NUMB: variants seen among roughly 807,000 people sequenced by gnomAD.
NUMB encodes protein numb homolog.
A neutral mutation model predicts 59.7 loss-of-function variants in NUMB; 29 were observed. The ratio of observed to expected loss-of-function variants is 0.49; its 90% confidence interval spans 0.36 to 0.66. The LOEUF (loss-of-function observed/expected upper bound fraction) is 0.66. Among genes scored for constraint, NUMB ranks in the 30% least tolerant of loss-of-function variants. The probability of loss-of-function intolerance (pLI) is 0.00; values close to 1 mark genes in which losing one functional copy is unlikely to be tolerated. For missense variants in NUMB, 723 were observed against 822.0 expected (o/e 0.88, Z 1.47); for synonymous variants, 288 against 288.2 (o/e 1.00, Z 0.01).
intron 2 of NUMB, among the ~76,000 whole-genome samples, chr14:73,393,003 CAAG>C (rs1180046582): frequency 1.3e-5 from 2 of 151,910 alleles, no homozygotes; most frequent in East Asian, 1.9e-4. Flanking sequence ...TCAGATTCTG[CAAG>C]AAGGATAAGA....
rs1888438627 is a variant in NUMB at position 73,279,308 on chromosome 14, T to C, written c.1213A>G (p.Asn405Asp). 1.2e-6 allele frequency: 2 copies of C among 1,614,078 alleles called. No homozygotes were observed. The highest frequency in any genetic ancestry group is 2.2e-5 in the South Asian group (2 of 91,096). Reference sequence around the variant, plus strand: ...GAACATGTGGCTGCAATTTCCTTGTTAGCAGCATCAGGGGCATGGGCCCAA... The same window carrying C: ...GAACATGTGGCTGCAATTTCCTTGTCAGCAGCATCAGGGGCATGGGCCCAA... ...NPWAHAPDAA[N>D]KEIAATCSGT... is the part of the protein sequence containing the mutation. The change falls in exon 12 of 13, where the codon AAC (asparagine) becomes GAC (aspartate). Residue 405 changes from asparagine (N) to aspartate (D), a missense_variant. Physicochemically the swap from Asn to Asp is conservative, Grantham distance 23. Coordinates refer to ENST00000555238, the MANE Select transcript of NUMB (RefSeq NM_001005743.2).
At chr14:73,356,328 G>A (rs1214618356) in intron 3 of NUMB, among the ~76,000 whole-genome samples, 1 of 152,168 alleles carries the variant, frequency 6.6e-6, no homozygotes, top group East Asian at 1.9e-4. Context: ...ATGTCATGAA[G>A]AATAAAATAA....
chr14:73,399,164 T>C (rs1324661572), intron 2 of NUMB, among the ~76,000 whole-genome samples: 4 of 152,144 alleles, frequency 2.6e-5, no homozygotes, highest in Non-Finnish European at 5.9e-5. Flanking sequence ...TAAAAACACA[T>C]ACACACAAAA....
chr14:73,420,594 C>T (rs955096495), intron 1 of NUMB, among the ~76,000 whole-genome samples: 2 of 152,058 alleles, frequency 1.3e-5, no homozygotes, highest in Non-Finnish European at 2.9e-5. Context: ...CCAACGCACG[C>T]GGATTGCTTG....
chr14:73,290,648 A>G (rs1889328950), intron 8 of NUMB, among the ~76,000 whole-genome samples: 1 of 152,230 alleles, frequency 6.6e-6, no homozygotes, highest in South Asian at 2.1e-4. Context: ...ACGAATGGCT[A>G]TACTGCCTAT....
chr14:73,325,068 A>G (rs1891591921), intron 4 of NUMB, among the ~76,000 whole-genome samples: 1 of 152,230 alleles, frequency 6.6e-6, no homozygotes, highest in South Asian at 2.1e-4. Context: ...ATTGCTTAAC[A>G]ATGTATAGCC....
chr14:73,455,235 G>C (rs936556810), intron 1 of NUMB, among the ~76,000 whole-genome samples: 2 of 152,132 alleles, frequency 1.3e-5, no homozygotes, highest in Non-Finnish European at 2.9e-5. Flanking sequence ...CATTAATGAA[G>C]AGGTTACATA....
intron 1 of NUMB, among the ~76,000 whole-genome samples, chr14:73,427,561 C>G (rs1057164873): frequency 2.0e-5 from 3 of 152,040 alleles, no homozygotes; most frequent in Admixed American, 2.0e-4. Flanking sequence ...CTCTAAGGAG[C>G]AGGAACTCTA....
rs773156932 is a variant in NUMB, at chr14:73,276,812, G to C, written c.1722C>G (p.Pro574=). ...GGTGCTGAGCAGGAGGCTTAAAGAA[G>C]GGACTGGTGGTAGCACTGCTTGCCT... The part of the protein sequence containing the change: ...HYEASSATTS[P]FFKPPAQHLN... The change falls in exon 13 of 13, where the codon CCC becomes CCG. Residue 574 remains proline, a synonymous_variant. Coordinates refer to ENST00000555238, the MANE Select transcript of NUMB (RefSeq NM_001005743.2). 4 of 1,614,194 alleles carry C rather than the reference G, an allele frequency of 2.5e-6. No homozygotes were observed. The highest frequency in any genetic ancestry group is 2.5e-6 in the Non-Finnish European group (3 of 1,180,038).
chr14:73,329,502 C>T (rs1891842299), intron 4 of NUMB, among the ~76,000 whole-genome samples: 1 of 152,168 alleles, frequency 6.6e-6, no homozygotes, highest in Admixed American at 6.5e-5. Flanking sequence ...AGCTGGGACA[C>T]CCATCTTCTC....
At chr14:73,458,193 C>G (rs1270210009) in intron 1 of NUMB, 1 of 152,556 alleles carries the variant, frequency 6.6e-6, no homozygotes, top group Non-Finnish European at 1.5e-5. Flanking sequence ...CGCCGGTCAG[C>G]GCGCTAGACC....
chr14:73,370,308 C>T (rs1177645532), intron 2 of NUMB, among the ~76,000 whole-genome samples: 1 of 152,206 alleles, frequency 6.6e-6, no homozygotes, highest in Non-Finnish European at 1.5e-5. Context: ...AATCTTTGAA[C>T]TACCTATTTT....
chr14:73,457,377 T>G lies in NUMB; in HGVS notation c.-233+1116A>C, dbSNP rs148226190. Among the ~76,000 whole-genome samples the G allele has an allele frequency of 9.1e-3, 1,380 of 152,308 alleles. 5 individuals are homozygous for G. The highest frequency in any genetic ancestry group is 0.014 in the Non-Finnish European group (984 of 68,018). On this transcript the variant is annotated intron_variant, in intron 1 of 12. Coordinates refer to ENST00000555238, the MANE Select transcript of NUMB (RefSeq NM_001005743.2). ...TTTGCTTTGGTCCTAGATGTCATCT[T>G]GATATTAATTACGAAACTGAAGTTT...
intron 4 of NUMB, among the ~76,000 whole-genome samples, chr14:73,349,997 G>A (rs1226786769): frequency 2.0e-5 from 3 of 151,614 alleles, no homozygotes; most frequent in Non-Finnish European, 2.9e-5. Context: ...GTGAGGCGTG[G>A]TTGCACCACT....
intron 6 of NUMB, among the ~76,000 whole-genome samples, chr14:73,312,525 G>A (rs1386517221): frequency 6.6e-6 from 1 of 151,726 alleles, no homozygotes; most frequent in Non-Finnish European, 1.5e-5. Context: ...ACCAGCCTGG[G>A]CAACATGGTG....
intron 4 of NUMB, among the ~76,000 whole-genome samples, chr14:73,352,931 C>CT (rs1449022279): frequency 6.6e-6 from 1 of 151,318 alleles, no homozygotes; most frequent in East Asian, 1.9e-4. Context: ...GAAACTATGT[C>CT]TTTTTTGCTT....
intron 4 of NUMB, among the ~76,000 whole-genome samples, chr14:73,346,245 C>T (rs947728155): frequency 2.0e-5 from 3 of 151,960 alleles, no homozygotes; most frequent in South Asian, 2.1e-4. Flanking sequence ...TTTGGGAGGC[C>T]GAGGTGAGCG....
Position 73,440,228 on chromosome 14 carries a change from T to C in NUMB, c.-233+18265A>G, listed in dbSNP as rs1156831342. The stretch of plus-strand genomic sequence containing the variant: ...ATATATGGATATCCATATATATATA[T>C]GGATATCCATATATATATACATCCA... On this transcript the variant is annotated intron_variant, in intron 1 of 12. Transcript: ENST00000555238. Among the ~76,000 whole-genome samples, 5 of 64,486 alleles carry C rather than the reference T, an allele frequency of 7.8e-5. No homozygotes were observed. The South Asian group carries it at 1.3e-3, about 16-fold the overall frequency. 42.3% of individuals were successfully genotyped at this position (64,486 alleles called of 152,430 possible). A position where few individuals can be genotyped will look rare whatever the true frequency, so the allele number is the denominator to read the frequency against.
intron 10 of NUMB, among the ~76,000 whole-genome samples, 172 bp downstream of exon 10, chr14:73,283,908 TC>T (rs1193122593): frequency 6.6e-6 from 1 of 152,068 alleles, no homozygotes; most frequent in Non-Finnish European, 1.5e-5. Flanking sequence ...TGGATTCACA[TC>T]CCCCTCCACG....
Sources: allele counts gnomAD v4.1 joint callset (sites outside exome capture counted in the v4.1 genomes callset), GRCh38; gene constraint gnomAD v4.1.1; transcripts MANE v1.5; gene names NCBI Gene and HGNC (gene_info 2026-07-23, HGNC 2026-07-21).